The following CPS1 variants were observed in gnomAD, a reference collection of about 807,000 sequenced individuals.
CPS1 encodes the protein carbamoyl-phosphate synthase [ammonia], mitochondrial.
A neutral mutation model predicts 174.6 loss-of-function variants in CPS1; 109 were observed. The ratio of observed to expected loss-of-function variants is 0.62; its 90% CI spans 0.53 to 0.73. The LOEUF (loss-of-function observed/expected upper bound fraction) is 0.73. CPS1 is among the 30% of genes least tolerant of loss of function. The pLI is 0.00. For synonymous variants in CPS1, 637 were observed against 632.0 expected, an observed-to-expected ratio of 1.01 and a Z score of -0.12; for missense variants, 1,689 against 1,821.9, an observed-to-expected ratio of 0.93 and a Z score of 1.33.
At chr2:210,663,239 T>C in intron 33 of CPS1, 42 bp downstream of exon 33, 1 of 1,550,666 alleles carries the variant, frequency 6.4e-7, no homozygotes, top group Non-Finnish European at 8.9e-7. Flanking sequence ...TTAAATCTAC[T>C]TTGAAATCTA....
chr2:210,639,444 C>G (rs1700141611), intron 23 of CPS1, among the ~76,000 whole-genome samples: 1 of 150,906 alleles, frequency 6.6e-6, no homozygotes, highest in African/African-American at 2.4e-5. Context: ...AACCCCGTCT[C>G]TACTAAAAAT....
intron 1 of CPS1, among the ~76,000 whole-genome samples, chr2:210,534,023 G>T (rs1254050052): frequency 6.6e-6 from 1 of 152,182 alleles, no homozygotes; most frequent in African/African-American, 2.4e-5. Flanking sequence ...GCTGCCCTTA[G>T]TTGGTTGCTC....
intron 1 of CPS1, among the ~76,000 whole-genome samples, chr2:210,519,243 A>G (rs1695758433): frequency 6.6e-6 from 1 of 152,028 alleles, no homozygotes; most frequent in Admixed American, 6.6e-5. Context: ...ATTTTGCCCA[A>G]GGTGTAATCC....
chr2:210,523,400 G>A (rs7590759), intron 1 of CPS1, among the ~76,000 whole-genome samples: 128,740 of 151,874 alleles, frequency 0.85, 55,245 homozygotes, highest in Middle Eastern at 0.92. Context: ...ATTTTTTTGC[G>A]TAATGGTGCA....
At chr2:210,676,980 T>C in intron 36 of CPS1, 27 bp from the exon 37 acceptor site, 2 of 1,608,978 alleles carry the variant, frequency 1.2e-6, no homozygotes, top group Non-Finnish European at 1.7e-6. Flanking sequence ...TGCCTTGTTG[T>C]CTATAAGTTT....
chr2:210,622,139 A>G (rs1422835322), intron 21 of CPS1, among the ~76,000 whole-genome samples: 2 of 151,578 alleles, frequency 1.3e-5, no homozygotes, highest in Admixed American at 1.3e-4. Flanking sequence ...TAAAAAGTAA[A>G]CATTGTTTTT....
intron 21 of CPS1, among the ~76,000 whole-genome samples, chr2:210,634,517 T>C (rs1699978137): frequency 1.3e-5 from 2 of 152,222 alleles, no homozygotes; most frequent in African/African-American, 4.8e-5. Flanking sequence ...CCACAAACTT[T>C]GGTGTTTCCA....
At chr2:210,638,136 A>G (rs1700095125) in intron 22 of CPS1, among the ~76,000 whole-genome samples, 2 of 152,194 alleles carry the variant, frequency 1.3e-5, no homozygotes, top group Admixed American at 1.3e-4. Context: ...CTGCTTTTTG[A>G]CCTGTGTTCA....
intron 1 of CPS1, among the ~76,000 whole-genome samples, chr2:210,486,546 T>C (rs992328796): frequency 9.9e-5 from 15 of 152,218 alleles, no homozygotes; most frequent in Admixed American, 3.9e-4. Flanking sequence ...GTTTCACTCC[T>C]GTTGCCCAGG....
chr2:210,669,508 A>T (rs1308649487), intron 34 of CPS1, among the ~76,000 whole-genome samples: 2 of 152,148 alleles, frequency 1.3e-5, no homozygotes, highest in Non-Finnish European at 2.9e-5. Flanking sequence ...ATTATTTTAG[A>T]TTCCATCTCA....
chr2:210,639,883 A>G (rs1041357175), intron 23 of CPS1, 113 bp from the exon 24 acceptor site: 9 of 776,306 alleles, frequency 1.2e-5, no homozygotes, highest in Non-Finnish European at 2.0e-5. Flanking sequence ...TAGAGAATAC[A>G]TGTTAACAAG....
chr2:210,606,748 G>A lies in CPS1; in HGVS notation c.1999G>A (p.Ala667Thr). ...GVHTGDSVVVAPAQTLSNAEF... is the reference protein window; with the variant it reads ...GVHTGDSVVVTPAQTLSNAEF... ...ATATATAGGTGACTCAGTTGTTGTG[G>A]CTCCTGCCCAGACACTCTCCAATGC... Residue 667 changes from alanine (A) to threonine (T), a missense_variant, in exon 18 of 38, where the codon GCT becomes ACT. Ala to Thr is a moderately conservative substitution (Grantham distance 58, BLOSUM62 0). Transcript: ENST00000233072. 6.2e-7 allele frequency: 1 copy of A among 1,612,304 alleles called. No homozygotes were observed.
At chr2:210,546,294 A>G (rs993410805) in intron 1 of CPS1, among the ~76,000 whole-genome samples, 4 of 152,126 alleles carry the variant, frequency 2.6e-5, no homozygotes, top group African/African-American at 9.7e-5. Flanking sequence ...GTCGATATTA[A>G]ACAGAGACAG....
At chr2:210,586,188 C>A (rs1305877154) in intron 6 of CPS1, among the ~76,000 whole-genome samples, 1 of 151,728 alleles carries the variant, frequency 6.6e-6, no homozygotes, top group Non-Finnish European at 1.5e-5. Flanking sequence ...AGTACTGAGT[C>A]GTGATGTTCA....
chr2:210,489,648 C>T (rs532027291), intron 1 of CPS1, among the ~76,000 whole-genome samples: 1 of 151,562 alleles, frequency 6.6e-6, no homozygotes, highest in East Asian at 1.9e-4. Context: ...TGGTTTAAAC[C>T]AAAAAAATCA....
At chr2:210,511,397 G>A (rs1386667473) in intron 1 of CPS1, among the ~76,000 whole-genome samples, 5 of 152,060 alleles carry the variant, frequency 3.3e-5, no homozygotes, top group Admixed American at 6.6e-5. Flanking sequence ...TGGGGGTAGC[G>A]GGTAGGGAGA....
intron 1 of CPS1, among the ~76,000 whole-genome samples, chr2:210,504,122 CA>C (rs1695217710): frequency 6.6e-6 from 1 of 152,068 alleles, no homozygotes; most frequent in South Asian, 2.1e-4. Context: ...CAGGATATAC[CA>C]CTGTGCTTTC....
chr2:210,589,434 A>G (rs1458047863), intron 7 of CPS1, among the ~76,000 whole-genome samples: 6 of 152,102 alleles, frequency 3.9e-5, no homozygotes, highest in Non-Finnish European at 7.4e-5. Flanking sequence ...AAGAAGGCTG[A>G]TTAAAATTTG....
At chr2:210,599,260 A>G in intron 13 of CPS1, 112 bp from the exon 14 acceptor site, 1 of 919,472 alleles carries the variant, frequency 1.1e-6, no homozygotes. Flanking sequence ...ACGGATCTCT[A>G]CGGCCCACAG....
Sources: allele counts gnomAD v4.1 joint callset (sites outside exome capture counted in the v4.1 genomes callset), GRCh38; gene constraint gnomAD v4.1.1; transcripts MANE v1.5; gene names NCBI Gene and HGNC (gene_info 2026-07-23, HGNC 2026-07-21).